ITPR1: variants seen among roughly 807,000 people sequenced by gnomAD.
ITPR1 encodes inositol 1,4,5-trisphosphate receptor type 1, also known as inositol 1,4,5-trisphosphate-gated calcium channel ITPR1.
Under a neutral mutation model 318.4 loss-of-function variants are expected in ITPR1, and 96 were observed. The ratio of observed to expected loss-of-function variants is 0.30; its 90% CI spans 0.26 to 0.36. ITPR1 has a LOEUF of 0.36. Ranked by LOEUF, ITPR1 falls within the 10% of genes least tolerant of loss-of-function variation. ITPR1 has a pLI of 1.00. For missense variants in ITPR1, 2,440 were observed against 3,460.2 expected (o/e 0.71, Z 7.40); for synonymous variants, 1,312 against 1,289.9 (o/e 1.02, Z -0.37).
rs566792385 is a variant in ITPR1, at chr3:4,774,087, T to C, written c.5980-1155T>C. Among the ~76,000 whole-genome samples, 5 of 152,372 alleles carry C rather than the reference T, an allele frequency of 3.3e-5. No individual in the cohort carries two copies. The East Asian group carries it at 7.7e-4, about 23-fold the overall frequency. On this transcript the variant is annotated intron_variant, in intron 46 of 61. Coordinates refer to ENST00000649015, the MANE Select transcript of ITPR1 (RefSeq NM_001378452.1). The stretch of plus-strand genomic sequence containing the variant: ...TAGAGAATTGGTTGTTGATTTACAC[T>C]GTATCCTCAAGTCCTTTTTCTATAT...
At chr3:4,535,486 A>G (rs2083782322) in intron 4 of ITPR1, among the ~76,000 whole-genome samples, 1 of 116,758 alleles carries the variant, frequency 8.6e-6, no homozygotes, top group Non-Finnish European at 1.6e-5. Context: ...TCTGTTGCCC[A>G]GGCTGGAGTG....
In ITPR1 at chr3:4,714,046, G is replaced by A. The variant is rs371243974; in HGVS notation, c.5103+2178G>A. Among the ~76,000 whole-genome samples, 14 of 152,274 alleles carry A rather than the reference G, an allele frequency of 9.2e-5. No homozygotes were observed. The East Asian group carries it at 9.7e-4, about 10-fold the overall frequency. ...CAAAAGAGAGAGAAGGAGAACAAGG[G>A]ACACTAAAGTATTTCTGTCTCCTGA... On this transcript the variant is annotated intron_variant, in intron 39 of 61. Transcript: ENST00000649015.
chr3:4,746,962 G>A (rs539603841), intron 44 of ITPR1, among the ~76,000 whole-genome samples: 2 of 152,208 alleles, frequency 1.3e-5, no homozygotes, highest in South Asian at 2.1e-4. Flanking sequence ...CTGACCCAGT[G>A]TGGCCACCGT....
intron 40 of ITPR1, 68 bp from the exon 41 acceptor site, chr3:4,725,478 C>G: frequency 7.6e-7 from 1 of 1,317,612 alleles, no homozygotes; most frequent in South Asian, 1.2e-5. Flanking sequence ...GTGTTGGTCT[C>G]TGGACTTCTC....
intron 33 of ITPR1, among the ~76,000 whole-genome samples, 163 bp downstream of exon 33, chr3:4,693,904 G>A (rs966963535): frequency 2.0e-5 from 3 of 152,134 alleles, no homozygotes; most frequent in Admixed American, 6.5e-5. Flanking sequence ...ACATTTTCTC[G>A]AGCATTGATT....
chr3:4,686,701 C>T (rs147175283), intron 30 of ITPR1, among the ~76,000 whole-genome samples: 102 of 152,284 alleles, frequency 6.7e-4, no homozygotes, highest in African/African-American at 2.2e-3. Context: ...GTGGAGGAAT[C>T]CCCCACAGGT....
intron 36 of ITPR1, among the ~76,000 whole-genome samples, chr3:4,703,202 T>C (rs1187115423): frequency 1.3e-5 from 2 of 152,210 alleles, no homozygotes; most frequent in Admixed American, 1.3e-4. Flanking sequence ...TCCATGGTTG[T>C]TAGGCAATTC....
chr3:4,598,733 A>G (rs2125078402), intron 4 of ITPR1, among the ~76,000 whole-genome samples: 1 of 152,312 alleles, frequency 6.6e-6, no homozygotes, highest in Middle Eastern at 3.4e-3. Flanking sequence ...CAATAAAGAA[A>G]TTGTCCCAAC....
intron 44 of ITPR1, among the ~76,000 whole-genome samples, chr3:4,763,128 A>G (rs188694392): frequency 6.6e-6 from 1 of 152,316 alleles, no homozygotes; most frequent in East Asian, 1.9e-4. Context: ...ACATGTTCTC[A>G]TTTACAAGTA....
chr3:4,590,793 C>T (rs769929171), intron 4 of ITPR1, among the ~76,000 whole-genome samples: 1 of 151,978 alleles, frequency 6.6e-6, no homozygotes, highest in Non-Finnish European at 1.5e-5. Flanking sequence ...ACACGTGTCA[C>T]GGGGGTTTGT....
At chr3:4,577,082 A>G (rs977945916) in intron 4 of ITPR1, among the ~76,000 whole-genome samples, 2 of 152,206 alleles carry the variant, frequency 1.3e-5, no homozygotes, top group South Asian at 2.1e-4. Context: ...TTTTCCTACA[A>G]TGAATTGTGT....
intron 4 of ITPR1, among the ~76,000 whole-genome samples, chr3:4,624,430 A>T (rs1455909949): frequency 6.6e-6 from 1 of 152,198 alleles, no homozygotes; most frequent in Non-Finnish European, 1.5e-5. Flanking sequence ...GCACTTTGGG[A>T]GGCCAAGGTG....
At chr3:4,657,720 C>T (rs200428317) in intron 12 of ITPR1, among the ~76,000 whole-genome samples, 1 of 147,956 alleles carries the variant, frequency 6.8e-6, no homozygotes, top group Non-Finnish European at 1.5e-5. Context: ...TGCCTTGGCC[C>T]TCCCAAAGTG....
At chr3:4,766,859 T>C (rs922606807) in intron 45 of ITPR1, 149 bp downstream of exon 45, 3 of 604,790 alleles carry the variant, frequency 5.0e-6, no homozygotes, top group Non-Finnish European at 8.2e-6. Flanking sequence ...ATGTAATTCT[T>C]CCTCAGTGAC....
intron 47 of ITPR1, among the ~76,000 whole-genome samples, chr3:4,777,009 A>T (rs185968873): frequency 1.2e-3 from 186 of 152,356 alleles, no homozygotes; most frequent in Admixed American, 1.6e-3. Flanking sequence ...GTGCTGCATG[A>T]TTTGGATTAG....
chr3:4,769,892 C>T (rs994730844), intron 46 of ITPR1, among the ~76,000 whole-genome samples: 6 of 152,178 alleles, frequency 3.9e-5, no homozygotes, highest in Non-Finnish European at 5.9e-5. Flanking sequence ...TCTGGATCTG[C>T]GGAGGGCCCT....
chr3:4,741,124 T>G (rs1441421306), intron 44 of ITPR1, among the ~76,000 whole-genome samples: 1 of 152,184 alleles, frequency 6.6e-6, no homozygotes, highest in Non-Finnish European at 1.5e-5. Flanking sequence ...TTCCCTTCGC[T>G]TCCTCTTCCT....
intron 4 of ITPR1, among the ~76,000 whole-genome samples, chr3:4,585,959 C>T (rs2089853080): frequency 6.6e-6 from 1 of 150,956 alleles, no homozygotes; most frequent in African/African-American, 2.4e-5. Context: ...GTGATGATCC[C>T]CTCCTTGTGT....
At chr3:4,650,645 G>GCA (rs61383029) in intron 10 of ITPR1, among the ~76,000 whole-genome samples, 5,619 of 51,790 alleles carry the variant, frequency 0.11, 392 homozygotes, top group African/African-American at 0.24. Context: ...GTGTGTGTGT[G>GCA]CGCGCGTCTG....
Sources: allele counts gnomAD v4.1 joint callset (sites outside exome capture counted in the v4.1 genomes callset), GRCh38; gene constraint gnomAD v4.1.1; transcripts MANE v1.5; gene names NCBI Gene and HGNC (gene_info 2026-07-23, HGNC 2026-07-21).